Variants in PDHX observed in about 807,000 individuals in gnomAD.
PDHX encodes pyruvate dehydrogenase protein X component, mitochondrial.
A neutral mutation model predicts 55.3 loss-of-function variants in PDHX; 33 were observed. The ratio of observed to expected loss-of-function variants is 0.60; its 90% CI spans 0.45 to 0.80. The LOEUF (loss-of-function observed/expected upper bound fraction) is 0.80. Among genes scored for constraint, PDHX ranks in the 30% least tolerant of loss-of-function variants. PDHX has a pLI of 0.00. For missense variants in PDHX, 622 were observed against 619.9 expected, an observed-to-expected ratio of 1.00 and a Z score of -0.04; for synonymous variants, 226 against 219.4, an observed-to-expected ratio of 1.03 and a Z score of -0.27.
At chr11:34,979,543 A>G (rs1021377054) in intron 8 of PDHX, among the ~76,000 whole-genome samples, 32 of 152,182 alleles carry the variant, frequency 2.1e-4, no homozygotes, top group African/African-American at 7.2e-4. Flanking sequence ...TCCATGGTGT[A>G]ATGGTTAGCA....
intron 5 of PDHX, among the ~76,000 whole-genome samples, chr11:34,964,056 T>C (rs1855077906): frequency 6.6e-6 from 1 of 152,194 alleles, no homozygotes; most frequent in African/African-American, 2.4e-5. Flanking sequence ...GTAGAGAAGG[T>C]TGTACCTGAG....
chr11:34,926,956 G>T (rs966327152), intron 1 of PDHX, among the ~76,000 whole-genome samples: 1 of 152,002 alleles, frequency 6.6e-6, no homozygotes, highest in South Asian at 2.1e-4. Context: ...AGAAATGGCA[G>T]GGAAAACAGC....
At chr11:34,970,830 G>A (rs1004581936) in intron 7 of PDHX, among the ~76,000 whole-genome samples, 2 of 152,158 alleles carry the variant, frequency 1.3e-5, no homozygotes, top group Admixed American at 6.5e-5. Context: ...TTTGAAATCT[G>A]AAACACTTCT....
At chr11:34,973,261 G>C (rs1486235696) in intron 7 of PDHX, among the ~76,000 whole-genome samples, 1 of 152,154 alleles carries the variant, frequency 6.6e-6, no homozygotes, top group South Asian at 2.1e-4. Flanking sequence ...TCTTTGACTC[G>C]TGTTTCTATA....
chr11:34,978,773 A>T (rs371350382), intron 8 of PDHX, among the ~76,000 whole-genome samples: 2 of 152,106 alleles, frequency 1.3e-5, no homozygotes, highest in South Asian at 2.1e-4. Flanking sequence ...GGGAGATAAG[A>T]TTTAAATAAC....
intron 7 of PDHX, chr11:34,977,770 C>T: frequency 4.3e-6 from 2 of 460,688 alleles, no homozygotes; most frequent in South Asian, 3.1e-5. Flanking sequence ...CCTGACTGCA[C>T]ACACCACAGA....
chr11:34,929,388 G>A (rs1288570529), intron 1 of PDHX, among the ~76,000 whole-genome samples: 2 of 152,050 alleles, frequency 1.3e-5, no homozygotes, highest in Non-Finnish European at 2.9e-5. Context: ...GTGCCATCAC[G>A]CCTGGCTAAT....
intron 7 of PDHX, among the ~76,000 whole-genome samples, chr11:34,973,501 G>A (rs1272059093): frequency 6.6e-6 from 1 of 151,420 alleles, no homozygotes; most frequent in East Asian, 1.9e-4. Flanking sequence ...TATCTTTTTG[G>A]TTACTTATTT....
intron 2 of PDHX, among the ~76,000 whole-genome samples, chr11:34,945,288 C>A (rs1227556520): frequency 6.6e-6 from 1 of 152,118 alleles, no homozygotes; most frequent in African/African-American, 2.4e-5. Flanking sequence ...TCAAACATTA[C>A]TTTAAAAATA....
intron 2 of PDHX, among the ~76,000 whole-genome samples, chr11:34,936,591 C>T (rs570938171): frequency 9.9e-5 from 15 of 152,006 alleles, no homozygotes; most frequent in African/African-American, 3.6e-4. Context: ...AGAAAGATGT[C>T]ACTGAGACAT....
rs764832583 is a variant in PDHX at position 34,980,449 on chromosome 11, A to G, written c.1023+2267A>G. 7.0e-6 allele frequency among the ~76,000 whole-genome samples: 1 copy of G among 143,662 alleles called. No homozygotes were observed. The highest frequency in any genetic ancestry group is 1.5e-5 in the Non-Finnish European group (1 of 66,624). 94.2% of individuals were successfully genotyped at this position (143,662 alleles called of 152,430 possible). A position where few individuals can be genotyped will look rare whatever the true frequency, so the allele number is the denominator to read the frequency against. On this transcript the variant is annotated intron_variant, in intron 8 of 10. Transcript: ENST00000227868. The stretch of plus-strand genomic sequence containing the variant: ...GGGGACCCGAGTGGATTGCCCTAAG[A>G]TAATAGATTTTTAATGCAACTTTGA...
intron 1 of PDHX, among the ~76,000 whole-genome samples, chr11:34,925,845 G>C (rs987885133): frequency 6.6e-6 from 1 of 152,038 alleles, no homozygotes; most frequent in South Asian, 2.1e-4. Flanking sequence ...GTAGCATTTG[G>C]GATTTTGGAC....
At chr11:34,916,217 C>A, upstream of PDHX, 1 of 1,609,060 alleles carries the variant, frequency 6.2e-7, no homozygotes, top group Non-Finnish European at 8.5e-7. Flanking sequence ...CACCGGTGGC[C>A]CCGCCCCTAC....
intron 9 of PDHX, among the ~76,000 whole-genome samples, chr11:34,991,872 T>C (rs1194810898): frequency 1.5e-5 from 2 of 132,000 alleles, no homozygotes; most frequent in African/African-American, 6.0e-5. Flanking sequence ...ATCACACCAC[T>C]GCACTCCAGC....
At chr11:34,983,105 A>G (rs1341935330) in intron 8 of PDHX, among the ~76,000 whole-genome samples, 2 of 152,226 alleles carry the variant, frequency 1.3e-5, no homozygotes, top group African/African-American at 4.8e-5. Context: ...CCTGGGATGC[A>G]AGGGTGGTTC....
At chr11:34,940,326 T>C (rs1304594496) in intron 2 of PDHX, among the ~76,000 whole-genome samples, 2 of 152,204 alleles carry the variant, frequency 1.3e-5, no homozygotes, top group Admixed American at 6.5e-5. Context: ...TTGTCTAATA[T>C]ACTGTTACTG....
At chr11:34,981,541 G>A (rs529675706) in intron 8 of PDHX, among the ~76,000 whole-genome samples, 1 of 152,166 alleles carries the variant, frequency 6.6e-6, no homozygotes, top group Non-Finnish European at 1.5e-5. Flanking sequence ...GGGTCAAATG[G>A]TATTTCTAGT....
chr11:34,985,329 T>C (rs1354200467), intron 9 of PDHX, among the ~76,000 whole-genome samples: 1 of 152,084 alleles, frequency 6.6e-6, no homozygotes, highest in East Asian at 1.9e-4. Context: ...TAATTCCAGC[T>C]ACTCGGGAGG....
chr11:34,961,326 G>A (rs1419358056), intron 5 of PDHX, among the ~76,000 whole-genome samples: 1 of 152,156 alleles, frequency 6.6e-6, no homozygotes, highest in Non-Finnish European at 1.5e-5. Flanking sequence ...GATGGCCCCT[G>A]TTCTGTTGAA....
Sources: allele counts gnomAD v4.1 joint callset (sites outside exome capture counted in the v4.1 genomes callset), GRCh38; gene constraint gnomAD v4.1.1; transcripts MANE v1.5; gene names NCBI Gene and HGNC (gene_info 2026-07-23, HGNC 2026-07-21).